Variants in PTPRT observed in about 807,000 individuals in gnomAD.
PTPRT encodes receptor-type tyrosine-protein phosphatase T.
PTPRT carries 56 observed loss-of-function variants against 176.8 expected under a neutral mutation model. The ratio of observed to expected loss-of-function variants is 0.32; its 90% CI spans 0.26 to 0.40. The LOEUF is 0.40. Among genes scored for constraint, PTPRT ranks in the 10% least tolerant of loss-of-function variants. PTPRT has a pLI of 1.00. For missense variants in PTPRT, 1,540 were observed against 1,908.2 expected (o/e 0.81, Z 3.60); for synonymous variants, 783 against 739.0 (o/e 1.06, Z -0.96).
intron 1 of PTPRT, among the ~76,000 whole-genome samples, chr20:43,112,591 A>C (rs2012908626): frequency 1.3e-5 from 2 of 152,268 alleles, no homozygotes; most frequent in Admixed American, 1.3e-4. Flanking sequence ...TTGCTTTCAA[A>C]GTAAGATCTT....
At chr20:43,053,472 T>C in intron 1 of PTPRT, among the ~76,000 whole-genome samples, 1 of 152,178 alleles carries the variant, frequency 6.6e-6, no homozygotes, top group East Asian at 1.9e-4. Context: ...ATCCACTGAA[T>C]TAAAGCAATC....
At chr20:42,698,084 A>T (rs548548699) in intron 6 of PTPRT, among the ~76,000 whole-genome samples, 92 of 152,164 alleles carry the variant, frequency 6.0e-4, no homozygotes, top group Non-Finnish European at 1.2e-3. Context: ...AAATTGCCCC[A>T]TGAACTTCCT....
At chr20:42,669,974 T>A (rs1269416306) in intron 7 of PTPRT, among the ~76,000 whole-genome samples, 1 of 152,084 alleles carries the variant, frequency 6.6e-6, no homozygotes, top group Non-Finnish European at 1.5e-5. Flanking sequence ...CCCATCCCCC[T>A]TACCCCGTGC....
intron 15 of PTPRT, among the ~76,000 whole-genome samples, chr20:42,214,594 G>T (rs779395850): frequency 2.0e-5 from 3 of 152,200 alleles, no homozygotes; most frequent in Non-Finnish European, 2.9e-5. Context: ...TTGCTATCTT[G>T]CTGTCCATAT....
chr20:42,704,081 C>T (rs74676415), intron 6 of PTPRT, among the ~76,000 whole-genome samples: 3,218 of 152,202 alleles, frequency 0.021, 122 homozygotes, highest in African/African-American at 0.073. Context: ...CTGTGCAAAT[C>T]GCAAAATACC....
rs1257192026 is a variant in PTPRT, at chr20:42,990,599, T to A, written c.89-104667A>T. Among the ~76,000 whole-genome samples, 25 of 152,152 alleles carry A rather than the reference T, an allele frequency of 1.6e-4. 1 individual carries two copies. The highest frequency in any genetic ancestry group is 1.6e-3 in the Admixed American group (25 of 15,270). On this transcript the variant is annotated intron_variant, in intron 1 of 30. Coordinates refer to ENST00000373187, the MANE Select transcript of PTPRT (RefSeq NM_007050.6). Reference sequence around the variant, plus strand: ...CTCACTGACACTCTCACCAAAAAAGTGTGTTCAACACAATAGTGAAGATGA... The same window carrying A: ...CTCACTGACACTCTCACCAAAAAAGAGTGTTCAACACAATAGTGAAGATGA...
chr20:42,607,991 T>A (rs574563491), intron 7 of PTPRT, among the ~76,000 whole-genome samples: 3 of 152,128 alleles, frequency 2.0e-5, no homozygotes, highest in South Asian at 2.1e-4. Context: ...TTACAGAGCA[T>A]CTTCATGTGC....
At chr20:42,621,321 T>A (rs1400395717) in intron 7 of PTPRT, among the ~76,000 whole-genome samples, 2 of 152,316 alleles carry the variant, frequency 1.3e-5, no homozygotes, top group East Asian at 3.9e-4. Flanking sequence ...CATTTAAACA[T>A]GTCCAAATCT....
chr20:42,344,996 C>A (rs2145489812), intron 11 of PTPRT, among the ~76,000 whole-genome samples: 1 of 152,218 alleles, frequency 6.6e-6, no homozygotes, highest in Non-Finnish European at 1.5e-5. Flanking sequence ...CCAGGAAGCC[C>A]TCCCAGCTTC....
intron 6 of PTPRT, among the ~76,000 whole-genome samples, chr20:42,699,584 G>T (rs2075942677): frequency 6.6e-6 from 1 of 152,120 alleles, no homozygotes; most frequent in Admixed American, 6.5e-5. Flanking sequence ...ACACATAAGA[G>T]AACAGATGGG....
At chr20:42,994,693 A>C (rs1984131220) in intron 1 of PTPRT, among the ~76,000 whole-genome samples, 1 of 152,252 alleles carries the variant, frequency 6.6e-6, no homozygotes, top group African/African-American at 2.4e-5. Flanking sequence ...AGAATTAAAA[A>C]TTCACATAAA....
chr20:42,434,969 GAAAAAACAAAAAAC>G (rs1555850454), intron 9 of PTPRT, among the ~76,000 whole-genome samples: 2 of 146,662 alleles, frequency 1.4e-5, no homozygotes, highest in South Asian at 4.3e-4. Context: ...CATCTCAAAG[GAAAAAACAAAAAAC>G]AAAAAACAAA....
chr20:43,010,797 G>C (rs915036237), intron 1 of PTPRT, among the ~76,000 whole-genome samples: 4 of 151,650 alleles, frequency 2.6e-5, no homozygotes, highest in African/African-American at 4.8e-5. Flanking sequence ...GTACTAAGCA[G>C]GTTCTTCACG....
intron 1 of PTPRT, among the ~76,000 whole-genome samples, chr20:43,138,118 G>C (rs981189020): frequency 6.6e-6 from 1 of 152,174 alleles, no homozygotes; most frequent in Admixed American, 6.5e-5. Context: ...CATAGGGCCC[G>C]GCACAGAGTG....
At chr20:42,681,887 A>C (rs2075609820) in intron 6 of PTPRT, among the ~76,000 whole-genome samples, 1 of 152,226 alleles carries the variant, frequency 6.6e-6, no homozygotes, top group South Asian at 2.1e-4. Flanking sequence ...AGACACACAC[A>C]ACAACATGAG....
rs535912153 is a variant in PTPRT at position 42,948,265 on chromosome 20, C to T, written c.89-62333G>A. Among the ~76,000 whole-genome samples, 426 of 152,298 alleles carry T rather than the reference C, an allele frequency of 2.8e-3. 3 individuals carry two copies. The highest frequency in any genetic ancestry group is 4.7e-3 in the Non-Finnish European group (317 of 68,022). On this transcript the variant is annotated intron_variant, in intron 1 of 30. Transcript: ENST00000373187. ...CTTTTCCCAGACTATCTCATGGCCT[C>T]ATTACCACCCAGGGAGGGCAGTACT...
At chr20:42,590,503 C>T (rs2073549966) in intron 7 of PTPRT, among the ~76,000 whole-genome samples, 2 of 152,030 alleles carry the variant, frequency 1.3e-5, no homozygotes, top group Non-Finnish European at 2.9e-5. Flanking sequence ...GAGACCATAG[C>T]TTAGTGGGGA....
chr20:42,515,259 C>T (rs937970590), intron 7 of PTPRT, among the ~76,000 whole-genome samples: 9 of 152,088 alleles, frequency 5.9e-5, no homozygotes, highest in East Asian at 1.9e-4. Context: ...CCGAGGCAGG[C>T]GGATCACAAG....
At chr20:42,119,811 A>T in intron 20 of PTPRT, 124 bp downstream of exon 20, 1 of 823,688 alleles carries the variant, frequency 1.2e-6, no homozygotes, top group Non-Finnish European at 1.9e-6. Context: ...AGGGCTGTTT[A>T]GTGAAAAAGG....
Sources: gnomAD v4.1 joint callset for allele counts (sites outside exome capture counted in the v4.1 genomes callset) on GRCh38, gnomAD v4.1.1 for gene constraint, MANE v1.5 for transcripts, NCBI Gene and HGNC (gene_info 2026-07-23, HGNC 2026-07-21) for gene names.